Variants in IMMP2L observed in about 807,000 individuals in gnomAD.
The protein encoded by IMMP2L is mitochondrial inner membrane protease subunit 2.
Under a neutral mutation model 19.3 loss-of-function variants are expected in IMMP2L, and 18 were observed. That is an observed-to-expected ratio of 0.93 (90% CI 0.64 to 1.38). IMMP2L has a LOEUF of 1.38. Among genes scored for constraint, IMMP2L ranks in the 40% most tolerant of loss-of-function variants. The pLI is 0.00. For synonymous variants in IMMP2L, 76 were observed against 73.0 expected, an observed-to-expected ratio of 1.04 and a Z score of -0.21; for missense variants, 233 against 218.2, an observed-to-expected ratio of 1.07 and a Z score of -0.43.
chr7:110,916,749 G>T (rs1160574996), intron 4 of IMMP2L, among the ~76,000 whole-genome samples: 2 of 152,116 alleles, frequency 1.3e-5, no homozygotes, highest in Admixed American at 1.3e-4. Context: ...ATATTTCATA[G>T]TTTACTGGTA....
chr7:111,416,421 A>G (rs181074449), intron 3 of IMMP2L, among the ~76,000 whole-genome samples: 102 of 152,008 alleles, frequency 6.7e-4, no homozygotes, highest in Non-Finnish European at 1.2e-3. Context: ...AGCATGACAG[A>G]GATTTAGCCC....
chr7:111,200,269 G>A (rs1023650254), intron 3 of IMMP2L, among the ~76,000 whole-genome samples: 1 of 151,984 alleles, frequency 6.6e-6, no homozygotes, highest in Admixed American at 6.5e-5. Flanking sequence ...TCTTTTCTTA[G>A]AATAAAGCAT....
intron 5 of IMMP2L, among the ~76,000 whole-genome samples, chr7:110,779,654 T>C (rs957780952): frequency 1.3e-5 from 2 of 151,900 alleles, no homozygotes; most frequent in Admixed American, 1.3e-4. Flanking sequence ...TCCCAACTTT[T>C]ACGGTAAGCA....
chr7:111,329,502 A>C (rs2130636761), intron 3 of IMMP2L, among the ~76,000 whole-genome samples: 1 of 151,998 alleles, frequency 6.6e-6, no homozygotes. Flanking sequence ...ACCATGATTT[A>C]AAACCACTGC....
intron 3 of IMMP2L, among the ~76,000 whole-genome samples, chr7:111,127,078 T>C (rs924481815): frequency 6.6e-6 from 1 of 152,236 alleles, no homozygotes; most frequent in African/African-American, 2.4e-5. Context: ...GAGTTGATTT[T>C]AACACAACCA....
chr7:111,477,164 T>A (rs1841794514), intron 3 of IMMP2L, among the ~76,000 whole-genome samples: 1 of 152,146 alleles, frequency 6.6e-6, no homozygotes, highest in African/African-American at 2.4e-5. Context: ...TTTGCATTCC[T>A]AATATTTATA....
chr7:111,548,604 TA>T (rs1284988438), intron 1 of IMMP2L, among the ~76,000 whole-genome samples: 4 of 152,192 alleles, frequency 2.6e-5, no homozygotes, highest in Non-Finnish European at 5.9e-5. Flanking sequence ...TATCTCGAAG[TA>T]ATCACCATCA....
intron 3 of IMMP2L, among the ~76,000 whole-genome samples, chr7:111,360,021 T>A (rs1342293916): frequency 1.3e-5 from 2 of 152,152 alleles, no homozygotes; most frequent in African/African-American, 4.8e-5. Flanking sequence ...TTTTTCAGTA[T>A]AACATCTGTT....
chr7:111,057,108 G>C (rs890864286), intron 3 of IMMP2L, among the ~76,000 whole-genome samples: 2 of 151,956 alleles, frequency 1.3e-5, no homozygotes, highest in African/African-American at 2.4e-5. Flanking sequence ...TAAAGGACAC[G>C]ACACTTTGGT....
chr7:110,726,440 G>A (rs1383993887), intron 5 of IMMP2L, among the ~76,000 whole-genome samples: 2 of 152,134 alleles, frequency 1.3e-5, no homozygotes, highest in Non-Finnish European at 1.5e-5. Flanking sequence ...TTTGGCTGTA[G>A]CCCCAAGACA....
chr7:111,084,947 T>C (rs1439306270), intron 3 of IMMP2L, among the ~76,000 whole-genome samples: 1 of 152,142 alleles, frequency 6.6e-6, no homozygotes, highest in Non-Finnish European at 1.5e-5. Flanking sequence ...AACAAGTAAA[T>C]GTATGGATTT....
rs977310051 is a variant in IMMP2L at position 111,293,182 on chromosome 7, T to C, written c.239+194056A>G. Among the ~76,000 whole-genome samples, 9 of 151,960 alleles carry C rather than the reference T, an allele frequency of 5.9e-5. No homozygotes were observed. In the East Asian group the frequency reaches 7.7e-4, roughly 13 times the overall value. On this transcript the variant is annotated intron_variant, in intron 3 of 5. Coordinates refer to ENST00000405709, the MANE Select transcript of IMMP2L (RefSeq NM_032549.4). ...TGAATTCGGCTCTTTCCCCAGTGTA[T>C]TGATTGAGCATTAGACCAAAAGACT...
intron 3 of IMMP2L, among the ~76,000 whole-genome samples, chr7:111,199,460 CA>C (rs1809869079): frequency 6.6e-6 from 1 of 151,832 alleles, no homozygotes. Context: ...TAAAAGAAGC[CA>C]AAACTAAAAA....
intron 5 of IMMP2L, among the ~76,000 whole-genome samples, chr7:110,778,161 T>C (rs1799516850): frequency 6.6e-6 from 1 of 151,972 alleles, no homozygotes; most frequent in Non-Finnish European, 1.5e-5. Context: ...AGAAATCTAA[T>C]GGACAGAGAG....
At chr7:111,006,560 C>T (rs1219689737) in intron 3 of IMMP2L, among the ~76,000 whole-genome samples, 1 of 152,100 alleles carries the variant, frequency 6.6e-6, no homozygotes, top group East Asian at 1.9e-4. Context: ...ACTAGGAAAA[C>T]CATATTTCCC....
chr7:111,093,210 T>C (rs1321314941), intron 3 of IMMP2L, among the ~76,000 whole-genome samples: 1 of 152,132 alleles, frequency 6.6e-6, no homozygotes, highest in East Asian at 1.9e-4. Flanking sequence ...CAGAGAAAAA[T>C]GAAAGGTGCT....
intron 3 of IMMP2L, among the ~76,000 whole-genome samples, chr7:111,422,894 C>T (rs959880622): frequency 4.0e-5 from 6 of 151,824 alleles, no homozygotes; most frequent in African/African-American, 1.5e-4. Context: ...TATGTTTCAT[C>T]AATACCTAGT....
chr7:110,752,117 C>T (rs2130923637), intron 5 of IMMP2L, among the ~76,000 whole-genome samples: 1 of 151,994 alleles, frequency 6.6e-6, no homozygotes, highest in South Asian at 2.1e-4. Flanking sequence ...AGAATTTTAA[C>T]CCAGGCTTTT....
At chr7:110,926,338 T>G (rs963527291) in intron 4 of IMMP2L, among the ~76,000 whole-genome samples, 3 of 152,110 alleles carry the variant, frequency 2.0e-5, no homozygotes, top group Non-Finnish European at 1.5e-5. Flanking sequence ...ACAACCATTT[T>G]GAAGCTGATA....
Sources: allele counts gnomAD v4.1 joint callset (sites outside exome capture counted in the v4.1 genomes callset), GRCh38; gene constraint gnomAD v4.1.1; transcripts MANE v1.5; gene names NCBI Gene and HGNC (gene_info 2026-07-23, HGNC 2026-07-21).